The following RELL1 variants were observed in gnomAD, a reference collection of about 807,000 sequenced individuals.
RELL1 encodes the protein RELT-like protein 1.
A neutral mutation model predicts 23.0 loss-of-function variants in RELL1; 10 were observed. The observed-to-expected ratio is 0.43, with a 90% CI of 0.27 to 0.74. The LOEUF is 0.74. RELL1 is among the 30% of genes least tolerant of loss of function. The pLI is 0.19. For missense variants in RELL1, 315 were observed against 364.4 expected, an observed-to-expected ratio of 0.86 and a Z score of 1.10; for synonymous variants, 146 against 146.8, an observed-to-expected ratio of 0.99 and a Z score of 0.04.
chr4:37,660,336 T>C (rs1721282231), intron 1 of RELL1, among the ~76,000 whole-genome samples: 1 of 152,050 alleles, frequency 6.6e-6, no homozygotes, highest in Non-Finnish European at 1.5e-5. Flanking sequence ...AATTCCACTA[T>C]TCCCCAACCT....
chr4:37,654,654 T>C (rs1399685893), intron 1 of RELL1, among the ~76,000 whole-genome samples: 2 of 152,216 alleles, frequency 1.3e-5, no homozygotes, highest in East Asian at 3.9e-4. Flanking sequence ...GTTGTTGCAT[T>C]ATTTATAAAA....
At chr4:37,630,212 C>A (rs1472008244) in intron 6 of RELL1, among the ~76,000 whole-genome samples, 2 of 152,036 alleles carry the variant, frequency 1.3e-5, no homozygotes, top group African/African-American at 4.8e-5. Context: ...ATGATCCCTC[C>A]CAAATCGTCA....
chr4:37,620,746 T>C (rs563843156), intron 6 of RELL1, among the ~76,000 whole-genome samples: 7 of 152,364 alleles, frequency 4.6e-5, no homozygotes, highest in Admixed American at 3.3e-4. Context: ...TATTACCTTA[T>C]AGGTTATGTC....
At chr4:37,590,719 C>T, downstream of RELL1, 2 of 1,614,096 alleles carry the variant, frequency 1.2e-6, no homozygotes, top group East Asian at 2.2e-5. Flanking sequence ...GGGAATTCAG[C>T]CCCCAGTGGG....
At chr4:37,617,295 T>G (rs1018636831) in intron 6 of RELL1, among the ~76,000 whole-genome samples, 1 of 152,182 alleles carries the variant, frequency 6.6e-6, no homozygotes. Flanking sequence ...GTATGAAGGT[T>G]TAAGCTTTTA....
At chr4:37,627,651 A>G (rs1044253843) in intron 6 of RELL1, among the ~76,000 whole-genome samples, 3 of 152,214 alleles carry the variant, frequency 2.0e-5, no homozygotes, top group African/African-American at 7.2e-5. Flanking sequence ...ATAACATTCT[A>G]TTTAGAATAT....
chr4:37,647,173 CA>C (rs1720738687), intron 3 of RELL1, among the ~76,000 whole-genome samples, 194 bp downstream of exon 3: 1 of 152,212 alleles, frequency 6.6e-6, no homozygotes, highest in Non-Finnish European at 1.5e-5. Context: ...TGGGTCTCTG[CA>C]ACGCTTAGAC....
intron 1 of RELL1, among the ~76,000 whole-genome samples, chr4:37,672,158 A>T (rs1373258364): frequency 6.6e-6 from 1 of 152,180 alleles, no homozygotes; most frequent in African/African-American, 2.4e-5. Flanking sequence ...TGTTGAGTGA[A>T]CCCAATCTCC....
chr4:37,630,356 G>GTTTTTTTTTTTTTTTT (rs59763359), intron 6 of RELL1, among the ~76,000 whole-genome samples: 2 of 86,744 alleles, frequency 2.3e-5, no homozygotes, highest in African/African-American at 9.6e-5. Context: ...TGTGTGTGTG[G>GTTTTTTTTTTTTTTTT]TTTTTTTTTT....
At chr4:37,597,482 C>T (rs1306472989) in intron 6 of RELL1, among the ~76,000 whole-genome samples, 2 of 152,298 alleles carry the variant, frequency 1.3e-5, no homozygotes, top group East Asian at 3.9e-4. Flanking sequence ...CCAACTCATT[C>T]TTTTCCATTC....
At chr4:37,624,094 A>C (rs1719858060) in intron 6 of RELL1, among the ~76,000 whole-genome samples, 1 of 152,194 alleles carries the variant, frequency 6.6e-6, no homozygotes, top group Non-Finnish European at 1.5e-5. Context: ...AGTCCAAAAA[A>C]AGGAGCCAAG....
exon 7 of RELL1, chr4:37,591,149 C>A: frequency 3.1e-6 from 2 of 644,232 alleles, no homozygotes; most frequent in Non-Finnish European, 5.3e-6. Flanking sequence ...TGATTGTCAG[C>A]ATCTGTCCCA....
chr4:37,677,838 G>A (rs1043853377), intron 1 of RELL1, among the ~76,000 whole-genome samples: 1 of 152,110 alleles, frequency 6.6e-6, no homozygotes, highest in African/African-American at 2.4e-5. Flanking sequence ...CGGGCATGGT[G>A]GCAGGTGCCT....
At chr4:37,590,254 A>G, downstream of RELL1, 1 of 1,614,210 alleles carries the variant, frequency 6.2e-7, no homozygotes, top group Non-Finnish European at 8.5e-7. Flanking sequence ...GACTGAGAGC[A>G]GCAGCAGGAC....
Position 37,614,696 on chromosome 4 carries a change from G to C in RELL1, c.*4-1354C>G, listed in dbSNP as rs1279461120. 2.6e-5 allele frequency among the ~76,000 whole-genome samples: 4 copies of C among 151,198 alleles called. No individual in the cohort carries two copies. In the East Asian group the frequency reaches 7.8e-4, roughly 29 times the overall value. On this transcript the variant is annotated intron_variant, in intron 6 of 6. Coordinates refer to ENST00000454158, the MANE Select transcript of RELL1 (RefSeq NM_001085400.2). The stretch of plus-strand genomic sequence containing the variant: ...CCTAAAAAAAAAAAAAGGAAAAAAT[G>C]AGAGGGAATTTTCCAGGCAAAACCT...
intron 6 of RELL1, among the ~76,000 whole-genome samples, chr4:37,616,500 G>T (rs1719579681): frequency 1.3e-5 from 2 of 152,194 alleles, no homozygotes; most frequent in Non-Finnish European, 2.9e-5. Context: ...TCTCTCAGGG[G>T]AAATCACTGT....
At chr4:37,605,793 G>GAGAAAGAAAGAAAGAAAGAAAGAA (rs771797298), downstream of RELL1, among the ~76,000 whole-genome samples, 12 of 90,396 alleles carry the variant, frequency 1.3e-4, no homozygotes, top group Admixed American at 3.8e-4. Flanking sequence ...GAGAAAGAAA[G>GAGAAAGAAAGAAAGAAAGAAAGAA]AGAAAGAAAG....
rs749253209 is a variant in RELL1 at position 37,611,102 on chromosome 4, T to G, written c.*2244A>C. Among the ~76,000 whole-genome samples the G allele has an allele frequency of 1.3e-4, 19 of 149,200 alleles. No individual in the cohort carries two copies. The highest frequency in any genetic ancestry group is 2.4e-4 in the Non-Finnish European group (16 of 67,150). On this transcript the variant is annotated 3_prime_UTR_variant, in exon 7 of 7. Coordinates refer to ENST00000454158, the MANE Select transcript of RELL1 (RefSeq NM_001085400.2). ...TATTCTCTTGCCTGTTGTATTGCTATTTAAAAAAAAGTGCTCTGACTTGAA... is the reference window on the plus strand; with the variant it reads ...TATTCTCTTGCCTGTTGTATTGCTAGTTAAAAAAAAGTGCTCTGACTTGAA...
At position 37,649,456 on chromosome 4, in the gene RELL1, G is replaced by C. The variant is rs1560346476; in HGVS notation, c.133C>G (p.Pro45Ala). The C allele has an allele frequency of 6.2e-7, 1 of 1,614,116 alleles. No homozygotes were observed. The highest frequency in any genetic ancestry group is 2.2e-5 in the East Asian group (1 of 44,884). Residue 45 changes from proline to alanine, a missense_variant, in exon 2 of 7, where the codon CCG (proline) becomes GCG (alanine). Physicochemically the swap from Pro to Ala is conservative, Grantham distance 27 (BLOSUM62 -1). Coordinates refer to ENST00000454158, the MANE Select transcript of RELL1 (RefSeq NM_001085400.2). ...RTLHSRTETT[P>A]SPSNDTGNGH... is the part of the protein sequence containing the mutation. The stretch of plus-strand genomic sequence containing the variant: ...TTCCCAGTATCGTTGCTGGGCGACG[G>C]GGTCGTCTCTGTTCTGGAGTGCAAT...
Sources: allele counts gnomAD v4.1 joint callset (sites outside exome capture counted in the v4.1 genomes callset), GRCh38; gene constraint gnomAD v4.1.1; transcripts MANE v1.5; gene names NCBI Gene and HGNC (gene_info 2026-07-23, HGNC 2026-07-21).